The following ASTN2 variants were observed in gnomAD, a reference collection of about 807,000 sequenced individuals.
The protein encoded by ASTN2 is astrotactin-2.
A neutral mutation model predicts 139.8 loss-of-function variants in ASTN2; 54 were observed. The ratio of observed to expected loss-of-function variants is 0.39; its 90% CI spans 0.31 to 0.48. The LOEUF (loss-of-function observed/expected upper bound fraction) is 0.48, where lower values mean the gene tolerates loss of function less well. Among genes scored for constraint, ASTN2 ranks in the 20% least tolerant of loss-of-function variants. ASTN2 has a pLI of 0.95. For missense variants in ASTN2, 1,565 were observed against 1,725.1 expected, an observed-to-expected ratio of 0.91 and a Z score of 1.64; for synonymous variants, 756 against 719.5, an observed-to-expected ratio of 1.05 and a Z score of -0.81.
chr9:116,764,041 C>T lies in ASTN2; in HGVS notation c.2397-30518G>A, dbSNP rs143070438. ...CACTCACAGAACCTCTGAGTCTTTC[C>T]AACACTCCTATGATATAAGGTGCAT... On this transcript the variant is annotated intron_variant, in intron 13 of 22. Transcript: ENST00000313400. 3.1e-3 allele frequency among the ~76,000 whole-genome samples: 474 copies of T among 152,242 alleles called. 7 individuals carry two copies. The East Asian group carries it at 0.059, about 19-fold the overall frequency.
At chr9:116,601,933 G>T (rs769805764) in intron 19 of ASTN2, among the ~76,000 whole-genome samples, 1 of 152,152 alleles carries the variant, frequency 6.6e-6, no homozygotes, top group Non-Finnish European at 1.5e-5. Flanking sequence ...ATTGAGAAAA[G>T]ATTATACAGG....
At chr9:116,449,808 C>T (rs902063999) in intron 20 of ASTN2, among the ~76,000 whole-genome samples, 4 of 151,948 alleles carry the variant, frequency 2.6e-5, no homozygotes, top group Non-Finnish European at 5.9e-5. Flanking sequence ...GGGAGGAAGA[C>T]AAGCCACAAG....
intron 3 of ASTN2, among the ~76,000 whole-genome samples, chr9:117,149,464 C>A (rs940517647): frequency 6.6e-6 from 1 of 151,848 alleles, no homozygotes; most frequent in Non-Finnish European, 1.5e-5. Context: ...TTCATGTCTT[C>A]TTGGTTCTGT....
intron 2 of ASTN2, among the ~76,000 whole-genome samples, chr9:117,268,464 C>T (rs1348272705): frequency 6.6e-6 from 1 of 152,192 alleles, no homozygotes; most frequent in Non-Finnish European, 1.5e-5. Flanking sequence ...AGGAGGCTTT[C>T]CTTAATCACT....
intron 13 of ASTN2, among the ~76,000 whole-genome samples, chr9:116,754,043 T>C (rs191584446): frequency 7.1e-5 from 10 of 141,450 alleles, no homozygotes; most frequent in African/African-American, 2.3e-4. Context: ...CTCCCACTTA[T>C]AAGTGAGAAC....
At chr9:116,926,687 C>T (rs1045332068) in intron 10 of ASTN2, among the ~76,000 whole-genome samples, 4 of 152,108 alleles carry the variant, frequency 2.6e-5, no homozygotes, top group Non-Finnish European at 4.4e-5. Flanking sequence ...AAGTCTTTTC[C>T]AGGATCGTGA....
chr9:117,235,730 T>C (rs1833026009), intron 2 of ASTN2, among the ~76,000 whole-genome samples: 1 of 152,142 alleles, frequency 6.6e-6, no homozygotes, highest in Non-Finnish European at 1.5e-5. Context: ...AAAACCTCAG[T>C]AATGAAGATA....
intron 19 of ASTN2, among the ~76,000 whole-genome samples, chr9:116,563,728 G>T (rs1300086814): frequency 1.3e-5 from 2 of 151,610 alleles, no homozygotes; most frequent in East Asian, 3.9e-4. Context: ...TATTTATTTT[G>T]TACTTTTTTC....
Position 116,425,355 on chromosome 9 carries a change from A to G in ASTN2, c.*496T>C. On this transcript the variant is annotated 3_prime_UTR_variant, in exon 23 of 23. Transcript: ENST00000313400. ...CAGCAAAAAAGAGAGAGAAGTCCTTAAAGACCCATGCTTCCTCACTGCAAC... is the reference window on the plus strand; with the variant it reads ...CAGCAAAAAAGAGAGAGAAGTCCTTGAAGACCCATGCTTCCTCACTGCAAC... The G allele has an allele frequency of 1.7e-6, 1 of 578,700 alleles. No individual in the cohort carries two copies. Among genetic ancestry groups the G allele is most frequent in the South Asian group, 2.3e-5 (1 of 43,026 alleles). 35.8% of individuals were successfully genotyped at this position (578,700 alleles called of 1,614,324 possible). A position where few individuals can be genotyped will look rare whatever the true frequency, so the allele number is the denominator to read the frequency against.
At chr9:116,565,257 C>T (rs201585916) in intron 19 of ASTN2, among the ~76,000 whole-genome samples, 10,509 of 126,712 alleles carry the variant, frequency 0.083, 412 homozygotes, top group East Asian at 0.15. Flanking sequence ...CACACACACA[C>T]ATATGCCCCA....
intron 13 of ASTN2, among the ~76,000 whole-genome samples, chr9:116,803,504 ATATATATATATATATATATTTTTTTTTT>A (rs1830935239): frequency 1.4e-4 from 1 of 6,940 alleles, no homozygotes. Flanking sequence ...ATATATATAT[ATATATATATATATATATATTTTTTTTTT>A]TTTTTTTTTT....
intron 10 of ASTN2, among the ~76,000 whole-genome samples, chr9:116,968,344 T>G (rs892219903): frequency 1.3e-5 from 2 of 152,144 alleles, no homozygotes; most frequent in African/African-American, 4.8e-5. Flanking sequence ...TGACTAGGGG[T>G]ACTGCCTAGT....
At chr9:116,589,606 G>A (rs1271326893) in intron 19 of ASTN2, among the ~76,000 whole-genome samples, 1 of 152,166 alleles carries the variant, frequency 6.6e-6, no homozygotes, top group African/African-American at 2.4e-5. Context: ...CATGGTGGAG[G>A]CGAAGGGAAT....
At chr9:116,660,306 G>C (rs908283686) in intron 16 of ASTN2, among the ~76,000 whole-genome samples, 1 of 152,106 alleles carries the variant, frequency 6.6e-6, no homozygotes, top group Non-Finnish European at 1.5e-5. Flanking sequence ...TAACCTAAGT[G>C]AATTTGCAAG....
chr9:117,016,628 A>C (rs1233953845), intron 6 of ASTN2, among the ~76,000 whole-genome samples: 175 of 8,058 alleles, frequency 0.022, 23 homozygotes, highest in Middle Eastern at 0.1. Context: ...ATCTATCTAT[A>C]TATATATATA....
chr9:116,574,629 G>A (rs1345628908), intron 19 of ASTN2, among the ~76,000 whole-genome samples: 1 of 152,202 alleles, frequency 6.6e-6, no homozygotes, highest in Non-Finnish European at 1.5e-5. Flanking sequence ...AACAAATCTA[G>A]TTTCCTCTTG....
intron 20 of ASTN2, among the ~76,000 whole-genome samples, chr9:116,455,942 C>T (rs1848320318): frequency 1.3e-5 from 2 of 152,004 alleles, no homozygotes; most frequent in African/African-American, 4.8e-5. Flanking sequence ...AAAGCCTTTC[C>T]TTTAAGATCT....
chr9:116,890,396 G>C (rs1361901041), intron 10 of ASTN2, among the ~76,000 whole-genome samples: 1 of 152,140 alleles, frequency 6.6e-6, no homozygotes, highest in African/African-American at 2.4e-5. Flanking sequence ...AGCTCAACAT[G>C]GTAGTTAAAG....
At chr9:116,663,660 G>GA (rs1293238272) in intron 16 of ASTN2, among the ~76,000 whole-genome samples, 1 of 152,096 alleles carries the variant, frequency 6.6e-6, no homozygotes, top group Non-Finnish European at 1.5e-5. Context: ...TAAAAGGGCT[G>GA]AAACTCATAG....
Sources: allele counts gnomAD v4.1 joint callset (sites outside exome capture counted in the v4.1 genomes callset), GRCh38; gene constraint gnomAD v4.1.1; transcripts MANE v1.5; gene names NCBI Gene and HGNC (gene_info 2026-07-23, HGNC 2026-07-21).